Variants in CCDC102B observed in about 807,000 individuals in gnomAD.
CCDC102B encodes the protein coiled-coil domain containing 102B, also known as coiled-coil domain-containing protein 102B.
In CCDC102B, 75 loss-of-function variants were observed where a neutral mutation model predicts 57.4. The ratio of observed to expected loss-of-function variants is 1.31; its 90% CI spans 1.08 to 1.58. CCDC102B has a LOEUF of 1.58. CCDC102B is among the 40% of genes most tolerant of loss of function. CCDC102B has a pLI of 0.00. For missense variants in CCDC102B, 636 were observed against 582.6 expected (o/e 1.09, Z -0.94); for synonymous variants, 206 against 201.9 (o/e 1.02, Z -0.17).
chr18:68,948,831 C>T (rs1195685374), intron 6 of CCDC102B, among the ~76,000 whole-genome samples: 1 of 152,106 alleles, frequency 6.6e-6, no homozygotes, highest in East Asian at 1.9e-4. Flanking sequence ...CTCTCATATA[C>T]TTGTGGTCTA....
At chr18:68,956,797 T>C (rs28852137) in intron 6 of CCDC102B, among the ~76,000 whole-genome samples, 3,403 of 150,442 alleles carry the variant, frequency 0.023, 140 homozygotes, top group African/African-American at 0.08. Context: ...ATTTATTGCC[T>C]GTCTTTTGGA....
intron 6 of CCDC102B, among the ~76,000 whole-genome samples, chr18:68,973,110 A>C (rs1477737988): frequency 6.6e-6 from 1 of 152,158 alleles, no homozygotes; most frequent in Non-Finnish European, 1.5e-5. Flanking sequence ...TACAGTATGC[A>C]TGGAGGTCCT....
chr18:68,824,776 T>C (rs1008149643), intron 1 of CCDC102B, among the ~76,000 whole-genome samples: 2 of 152,214 alleles, frequency 1.3e-5, no homozygotes, highest in African/African-American at 2.4e-5. Context: ...TAAGCCAAAG[T>C]CTCTGTGAAA....
chr18:69,026,520 T>A (rs1250059314), intron 7 of CCDC102B, among the ~76,000 whole-genome samples: 1 of 147,962 alleles, frequency 6.8e-6, no homozygotes, highest in Non-Finnish European at 1.5e-5. Flanking sequence ...ATCTGGTTAC[T>A]AGAATGAAGC....
intron 2 of CCDC102B, 105 bp from the exon 3 acceptor site, chr18:68,838,601 T>C: frequency 1.4e-6 from 2 of 1,462,562 alleles, no homozygotes; most frequent in Non-Finnish European, 1.8e-6. Flanking sequence ...AATAAAAATA[T>C]GAATTGGTTG....
intron 4 of CCDC102B, among the ~76,000 whole-genome samples, chr18:68,871,750 C>A (rs377188049): frequency 6.6e-6 from 1 of 152,120 alleles, no homozygotes; most frequent in East Asian, 1.9e-4. Flanking sequence ...GAGGAGTTAT[C>A]GGATCATGTG....
rs75713049 is a variant in CCDC102B, at chr18:68,838,809, C to T, written c.710C>T (p.Thr237Met). The T allele has an allele frequency of 9.9e-6, 16 of 1,613,722 alleles. No homozygotes were observed. Among genetic ancestry groups the T allele is most frequent in the South Asian group, 4.4e-5 (4 of 91,078 alleles). ...FNNGGSGNGE[T>M]KTGLRLKAIN... Reference sequence around the variant, plus strand: ...AATGGTGGTTCTGGAAACGGTGAAACGAAAACTGGGCTGAGACTGAAAGCA... The same window carrying T: ...AATGGTGGTTCTGGAAACGGTGAAATGAAAACTGGGCTGAGACTGAAAGCA... The change falls in exon 3 of 8, where the codon ACG becomes ATG. Residue 237 changes from threonine (T) to methionine (M), a missense_variant. By Grantham distance (81) the Thr-to-Met change is moderately conservative. Transcript: ENST00000360242.
chr18:68,957,209 T>G (rs942984161), intron 6 of CCDC102B, among the ~76,000 whole-genome samples: 6 of 152,106 alleles, frequency 3.9e-5, no homozygotes, highest in Non-Finnish European at 7.4e-5. Context: ...CCAAGGCCAA[T>G]GTACTGGAGA....
chr18:69,027,362 G>C (rs753750470), intron 7 of CCDC102B, among the ~76,000 whole-genome samples: 10 of 152,018 alleles, frequency 6.6e-5, no homozygotes, highest in Non-Finnish European at 1.5e-4. Flanking sequence ...ACTATCTAAA[G>C]CACATTTTCC....
chr18:68,908,806 G>T (rs1250203981), intron 6 of CCDC102B, among the ~76,000 whole-genome samples: 2 of 152,142 alleles, frequency 1.3e-5, no homozygotes, highest in South Asian at 2.1e-4. Flanking sequence ...ATATACGTGT[G>T]TACATATATA....
At chr18:68,982,247 C>A (rs1291258662) in intron 6 of CCDC102B, among the ~76,000 whole-genome samples, 1 of 151,338 alleles carries the variant, frequency 6.6e-6, no homozygotes, top group East Asian at 2.0e-4. Context: ...GTAAAAAAAA[C>A]AATGAAGTAT....
chr18:68,979,727 A>G (rs2050528645), intron 6 of CCDC102B, among the ~76,000 whole-genome samples: 1 of 152,062 alleles, frequency 6.6e-6, no homozygotes, highest in East Asian at 1.9e-4. Context: ...TCATAATTAT[A>G]TTAAGTATAA....
chr18:69,008,503 A>G (rs2051413616), intron 6 of CCDC102B, among the ~76,000 whole-genome samples: 1 of 152,202 alleles, frequency 6.6e-6, no homozygotes, highest in Non-Finnish European at 1.5e-5. Context: ...CTCCTATGGA[A>G]TGAAGGGGCA....
chr18:69,026,077 T>C (rs1304013954), intron 7 of CCDC102B, among the ~76,000 whole-genome samples: 1 of 152,100 alleles, frequency 6.6e-6, no homozygotes, highest in Non-Finnish European at 1.5e-5. Flanking sequence ...TTAAATGAAG[T>C]TCTAAGGCAG....
At chr18:68,906,631 T>C (rs1267122803) in intron 6 of CCDC102B, among the ~76,000 whole-genome samples, 2 of 152,244 alleles carry the variant, frequency 1.3e-5, no homozygotes, top group African/African-American at 4.8e-5. Flanking sequence ...TGGCCATTTG[T>C]ATATCTTCTT....
intron 2 of CCDC102B, among the ~76,000 whole-genome samples, chr18:68,763,930 C>T (rs528378402): frequency 6.6e-6 from 1 of 152,126 alleles, no homozygotes; most frequent in South Asian, 2.1e-4. Flanking sequence ...TGCCATGTGC[C>T]TAAACAATGC....
At chr18:68,815,647 C>A (rs2036443007) in intron 1 of CCDC102B, among the ~76,000 whole-genome samples, 1 of 148,936 alleles carries the variant, frequency 6.7e-6, no homozygotes, top group Admixed American at 6.9e-5. Flanking sequence ...TCATTTCTGT[C>A]ATTCCAGCCA....
intron 6 of CCDC102B, among the ~76,000 whole-genome samples, chr18:68,972,363 G>A (rs928491979): frequency 6.6e-6 from 1 of 152,076 alleles, no homozygotes; most frequent in African/African-American, 2.4e-5. Flanking sequence ...CTGCAGAAGG[G>A]GTGTGCTTAC....
At position 68,741,693 on chromosome 18, in the gene CCDC102B, ACACACACACACACACACACACC is replaced by A. The variant is rs1318838753; in HGVS notation, c.-67+25101_-67+25122del. Among the ~76,000 whole-genome samples the A allele has an allele frequency of 3.5e-3, 517 of 148,614 alleles. 4 individuals are homozygous for A. Among genetic ancestry groups the A allele is most frequent in the African/African-American group, 0.012 (471 of 39,614 alleles). ...CACACACACACACACACACACACACACACACACACACACACACACACCCCAAGACAATATAGAAAGGTTTATT... is the reference window on the plus strand; with the variant it reads ...CACACACACACACACACACACACACACCAAGACAATATAGAAAGGTTTATT... On this transcript the variant is annotated intron_variant, in intron 2 of 3. Transcript: ENST00000578970.
Sources: gnomAD v4.1 joint callset for allele counts (sites outside exome capture counted in the v4.1 genomes callset) on GRCh38, gnomAD v4.1.1 for gene constraint, MANE v1.5 for transcripts, NCBI Gene and HGNC (gene_info 2026-07-23, HGNC 2026-07-21) for gene names.